Variants in MBP observed in about 807,000 individuals in gnomAD.
MBP encodes Golli-MBP.
In MBP, 16 loss-of-function variants were observed where a neutral mutation model predicts 35.8. The observed-to-expected ratio is 0.45, with a 90% CI of 0.30 to 0.68. The LOEUF (loss-of-function observed/expected upper bound fraction) is 0.68, where lower values mean the gene tolerates loss of function less well. MBP is among the 30% of genes least tolerant of loss of function. The pLI, the probability that MBP is intolerant of heterozygous loss-of-function variation, is 0.08. For synonymous variants in MBP, 143 were observed against 159.6 expected, an observed-to-expected ratio of 0.90 and a Z score of 0.78; for missense variants, 380 against 404.7, an observed-to-expected ratio of 0.94 and a Z score of 0.52.
chr18:77,027,920 C>T (rs1441277075), intron 3 of MBP, among the ~76,000 whole-genome samples: 1 of 152,188 alleles, frequency 6.6e-6, no homozygotes, highest in African/African-American at 2.4e-5. Context: ...AACTTCCAGC[C>T]TCAAGCCATC....
intron 8 of MBP, chr18:76,984,002 G>C (rs1436802604): frequency 6.6e-6 from 1 of 152,220 alleles, no homozygotes; most frequent in Non-Finnish European, 1.5e-5. Flanking sequence ...GTGCCTGGGG[G>C]CTCCCAGAGC....
At position 77,092,184 on chromosome 18, in the gene MBP, C is replaced by T. The variant is rs1568335682; in HGVS notation, c.51+13027G>A. 2.6e-5 allele frequency among the ~76,000 whole-genome samples: 4 copies of T among 152,374 alleles called. No individual in the cohort carries two copies. The East Asian group carries it at 7.7e-4, about 29-fold the overall frequency. ...AGCTGCAATTACACGGCGGCGTTTC[C>T]GAAATGACCTGGCACAGTGCGCGGC... On this transcript the variant is annotated intron_variant, in intron 2 of 8. Coordinates refer to ENST00000355994, the MANE Select transcript of MBP (RefSeq NM_001025101.2).
chr18:77,119,022 C>G (rs150592790), intron 1 of MBP, among the ~76,000 whole-genome samples: 1 of 130,272 alleles, frequency 7.7e-6, no homozygotes, highest in Non-Finnish European at 1.6e-5. Context: ...AGACGCTGCC[C>G]GGCAGACACA....
At chr18:77,028,405 C>T (rs1482149617) in intron 3 of MBP, among the ~76,000 whole-genome samples, 19 of 118,660 alleles carry the variant, frequency 1.6e-4, no homozygotes, top group South Asian at 6.2e-4. Flanking sequence ...TACACAGACA[C>T]GGCAACCATC....
chr18:76,987,240 C>T, intron 7 of MBP: 1 of 985,456 alleles, frequency 1.0e-6, no homozygotes. Context: ...AATAAGATTT[C>T]TGGGTCAAAA....
rs12605430 is a variant in MBP at position 77,119,638 on chromosome 18, T to C, written c.-26+12942A>G. ...CACAGCTCAACACCCTCCATGTGTGTCTGGAGAAGAGACCACCTGGTGAGC... is the reference window on the plus strand; with the variant it reads ...CACAGCTCAACACCCTCCATGTGTGCCTGGAGAAGAGACCACCTGGTGAGC... On this transcript the variant is annotated intron_variant, in intron 1 of 8. Coordinates refer to ENST00000355994, the MANE Select transcript of MBP (RefSeq NM_001025101.2). Among the ~76,000 whole-genome samples the C allele has an allele frequency of 3.5e-3, 537 of 152,216 alleles. 33 individuals carry two copies. In the East Asian group the frequency reaches 0.097, roughly 27 times the overall value.
At chr18:77,015,811 A>G (rs1971591672) in intron 4 of MBP, 1 of 985,360 alleles carries the variant, frequency 1.0e-6, no homozygotes, top group Non-Finnish European at 1.2e-6. Flanking sequence ...TTATGATTGC[A>G]TGTTATCAGA....
intron 3 of MBP, among the ~76,000 whole-genome samples, chr18:77,048,456 C>T (rs1973344864): frequency 6.6e-6 from 1 of 152,192 alleles, no homozygotes; most frequent in Non-Finnish European, 1.5e-5. Flanking sequence ...ACAATCTCTG[C>T]AGGTAGGATC....
chr18:77,082,026 G>C (rs1458055368), intron 2 of MBP, among the ~76,000 whole-genome samples: 1 of 150,060 alleles, frequency 6.7e-6, no homozygotes, highest in African/African-American at 2.4e-5. Context: ...TAATTTTTTT[G>C]TATTTTTAGT....
At position 77,020,223 on chromosome 18, in the gene MBP, T is replaced by C. The variant is rs1971937414; in HGVS notation, c.140-2955A>G. ...GGGACTGGGAGTCTGGCTGGGACACTAAGGAAAGAAAGGTCTCTGGCCTGG... is the reference window on the plus strand; with the variant it reads ...GGGACTGGGAGTCTGGCTGGGACACCAAGGAAAGAAAGGTCTCTGGCCTGG... On this transcript the variant is annotated intron_variant, in intron 3 of 8. Coordinates refer to ENST00000355994, the MANE Select transcript of MBP (RefSeq NM_001025101.2). This position sits in a 1 kb window ranked among gnomAD's most constrained non-coding sequence, Gnocchi z 4.1. 6.6e-6 allele frequency among the ~76,000 whole-genome samples: 1 copy of C among 151,630 alleles called. No homozygotes were observed. The highest frequency in any genetic ancestry group is 2.1e-4 in the South Asian group (1 of 4,788).
At chr18:77,127,785 G>T (rs1258707867) in intron 1 of MBP, 2 of 151,984 alleles carry the variant, frequency 1.3e-5, no homozygotes, top group African/African-American at 4.8e-5. Context: ...AGGTCTTGAT[G>T]TCATTAGCCA....
chr18:77,055,607 TTCTC>T (rs1254173774), intron 3 of MBP, among the ~76,000 whole-genome samples: 1 of 141,480 alleles, frequency 7.1e-6, no homozygotes, highest in Non-Finnish European at 1.6e-5. Flanking sequence ...CTCTCTTTCT[TTCTC>T]TTTTTTTAAC....
intron 3 of MBP, among the ~76,000 whole-genome samples, chr18:77,051,692 C>A (rs778116213): frequency 6.6e-6 from 1 of 152,090 alleles, no homozygotes; most frequent in Non-Finnish European, 1.5e-5. Flanking sequence ...CCTGATACAT[C>A]AAATTTAACA....
At chr18:77,064,637 T>G (rs7236625) in intron 3 of MBP, among the ~76,000 whole-genome samples, 9,665 of 152,278 alleles carry the variant, frequency 0.063, 560 homozygotes, top group African/African-American at 0.15. Context: ...AAAGGACTTT[T>G]GAAAAAGAGC....
intron 2 of MBP, among the ~76,000 whole-genome samples, chr18:77,086,609 C>T (rs1975245515): frequency 6.6e-6 from 1 of 152,206 alleles, no homozygotes; most frequent in Non-Finnish European, 1.5e-5. Context: ...AAATGGGTTT[C>T]TCTGAGTTAT....
intron 7 of MBP, chr18:76,987,831 TCAGACAC>T (rs1269935854): frequency 6.7e-6 from 7 of 1,043,848 alleles, no homozygotes; most frequent in Non-Finnish European, 8.1e-6. Context: ...TTAATTTGGC[TCAGACAC>T]CAAATTTTTT....
chr18:76,988,456 A>G lies in MBP; in HGVS notation c.750+39T>C, dbSNP rs1969694646. ...AAGTTGCGGGGCTGTGAGGACTGGGACGGAAGAGGAAGCCGATGGAAGTGC... is the reference window on the plus strand; with the variant it reads ...AAGTTGCGGGGCTGTGAGGACTGGGGCGGAAGAGGAAGCCGATGGAAGTGC... On this transcript the variant is annotated intron_variant, in intron 7 of 8. Transcript: ENST00000355994. The surrounding 1 kb of genome is among the most constrained non-coding windows in gnomAD (Gnocchi z 5.2). 1 of 1,614,204 alleles carries G rather than the reference A, an allele frequency of 6.2e-7. No individual in the cohort carries two copies. Among genetic ancestry groups the G allele is most frequent in the Middle Eastern group, 1.6e-4 (1 of 6,062 alleles).
chr18:77,127,308 C>T lies in MBP; in HGVS notation c.-26+5272G>A, dbSNP rs187339248. 7.2e-5 allele frequency: 11 copies of T among 152,292 alleles called. No homozygotes were observed. The East Asian group carries it at 1.2e-3, about 16-fold the overall frequency. The allele number at this position is 152,292 out of a possible 1,614,324, so 9.4% of individuals were successfully genotyped here. On this transcript the variant is annotated intron_variant, in intron 1 of 8. Transcript: ENST00000355994. ...GGATCACCTTTTCAACTAATAGTCC[C>T]GGAGCTATTGGACATTCGTTGGCAA...
chr18:77,035,329 A>G (rs1972716336), intron 3 of MBP, among the ~76,000 whole-genome samples: 1 of 152,230 alleles, frequency 6.6e-6, no homozygotes, highest in East Asian at 1.9e-4. Context: ...GCCCTTTGGA[A>G]TAGTTTTTCT....
Sources: gnomAD v4.1 joint callset for allele counts (sites outside exome capture counted in the v4.1 genomes callset) on GRCh38, gnomAD v4.1.1 for gene constraint, Gnocchi (gnomAD v3.1) non-coding constraint, MANE v1.5 for transcripts, NCBI Gene and HGNC (gene_info 2026-07-23, HGNC 2026-07-21) for gene names.